Variants in GAS6 observed in about 807,000 individuals in gnomAD.
GAS6 encodes growth arrest specific 6.
GAS6 carries 41 observed loss-of-function variants against 75.8 expected under a neutral mutation model. The ratio of observed to expected loss-of-function variants is 0.54; its 90% CI spans 0.42 to 0.70. The LOEUF (loss-of-function observed/expected upper bound fraction) is 0.70, where lower values mean the gene tolerates loss of function less well. GAS6 is among the 30% of genes least tolerant of loss of function. The pLI is 0.00. For missense variants in GAS6, 854 were observed against 940.2 expected (o/e 0.91, Z 1.20); for synonymous variants, 432 against 412.6 (o/e 1.05, Z -0.57).
chr13:113,821,228 C>T (rs1230442663), intron 14 of GAS6: 11 of 592,618 alleles, frequency 1.9e-5, no homozygotes, highest in Admixed American at 1.5e-4. Context: ...GCTCTGCAGA[C>T]GCCAGCCCTC....
intron 3 of GAS6, chr13:113,847,077 T>C (rs765890920): frequency 8.2e-6 from 4 of 487,146 alleles, no homozygotes; most frequent in South Asian, 3.0e-5. Context: ...GCCTGGCACA[T>C]GCACATCCAG....
intron 2 of GAS6, among the ~76,000 whole-genome samples, chr13:113,858,429 G>C (rs1342135100): frequency 6.6e-6 from 1 of 152,194 alleles, no homozygotes; most frequent in African/African-American, 2.4e-5. Flanking sequence ...ATGTGAATGT[G>C]TGCATGTGTA....
At chr13:113,833,228 T>C in intron 8 of GAS6, 1 of 1,079,768 alleles carries the variant, frequency 9.3e-7, no homozygotes, top group Non-Finnish European at 1.1e-6. Flanking sequence ...GGGCTGGGGC[T>C]GAGCCAGGCC....
chr13:113,852,121 C>G (rs893600805), intron 2 of GAS6, among the ~76,000 whole-genome samples: 9 of 152,242 alleles, frequency 5.9e-5, no homozygotes, highest in African/African-American at 2.2e-4. Context: ...GTGAGTGGCC[C>G]AGGATGGCCA....
At chr13:113,822,773 C>T (rs111414564) in intron 13 of GAS6, 2 of 153,664 alleles carry the variant, frequency 1.3e-5, no homozygotes, top group African/African-American at 4.8e-5. Context: ...GTGAGCCTCT[C>T]TGGTTTGACC....
rs375030873 is a variant in GAS6 at position 113,826,612 on chromosome 13, C to T, written c.1477+384G>A. ...CAGGCACCTTCTCTCCCCGGCCTCCCGGCGCCGGCCTCGCAGGCACCTTCT... is the reference window on the plus strand; with the variant it reads ...CAGGCACCTTCTCTCCCCGGCCTCCTGGCGCCGGCCTCGCAGGCACCTTCT... On this transcript the variant is annotated intron_variant, in intron 12 of 14. Coordinates refer to ENST00000327773, the MANE Select transcript of GAS6 (RefSeq NM_000820.4). Among the ~76,000 whole-genome samples, 65 of 73,474 alleles carry T rather than the reference C, an allele frequency of 8.8e-4. 3 individuals are homozygous for T. The highest frequency in any genetic ancestry group is 2.6e-3 in the South Asian group (4 of 1,556). The allele number at this position is 73,474 out of a possible 152,430, so 48.2% of individuals were successfully genotyped here.
intron 8 of GAS6, chr13:113,833,305 G>GAGT: frequency 9.9e-7 from 1 of 1,013,264 alleles, no homozygotes; most frequent in Middle Eastern, 5.0e-4. Flanking sequence ...CCCTCTGCAT[G>GAGT]AGTACATGAG....
At chr13:113,828,769 A>G (rs1460496453) in intron 10 of GAS6, 58 bp from the exon 11 acceptor site, 2 of 1,560,514 alleles carry the variant, frequency 1.3e-6, no homozygotes, top group Non-Finnish European at 1.7e-6. Context: ...AGGGGCTCCC[A>G]ACTGAGAAAA....
At chr13:113,832,902 G>A (rs1467139930) in intron 8 of GAS6, 150 bp from the exon 9 acceptor site, 14 of 1,526,688 alleles carry the variant, frequency 9.2e-6, no homozygotes, top group African/African-American at 1.4e-5. Flanking sequence ...CCCAGAGGCT[G>A]TCACACCTGC....
At chr13:113,831,397 T>C (rs2051628508) in intron 10 of GAS6, among the ~76,000 whole-genome samples, 2 of 152,180 alleles carry the variant, frequency 1.3e-5, no homozygotes, top group Non-Finnish European at 2.9e-5. Context: ...GCGCCTGGCC[T>C]GGCCACGGCC....
intron 2 of GAS6, among the ~76,000 whole-genome samples, chr13:113,851,240 T>A (rs1025469745): frequency 2.6e-5 from 4 of 151,644 alleles, no homozygotes; most frequent in African/African-American, 9.7e-5. Flanking sequence ...GATGAATGAA[T>A]AAAACAATGA....
chr13:113,828,847 G>A, intron 10 of GAS6, 136 bp from the exon 11 acceptor site: 1 of 916,856 alleles, frequency 1.1e-6, no homozygotes, highest in Non-Finnish European at 1.6e-6. Flanking sequence ...CCTCACCTGG[G>A]CCAAGAGGGT....
At chr13:113,834,521 G>C (rs967815621) in intron 8 of GAS6, 30 bp downstream of exon 8, 13 of 1,500,390 alleles carry the variant, frequency 8.7e-6, no homozygotes, top group African/African-American at 1.4e-5. Flanking sequence ...GAACCACCGT[G>C]AAGGGCCCGC....
At chr13:113,843,644 G>C (rs2051809910) in intron 4 of GAS6, 1 of 151,206 alleles carries the variant, frequency 6.6e-6, no homozygotes, top group Non-Finnish European at 1.5e-5. Flanking sequence ...AATGGAAGCA[G>C]AGGCTCTTCA....
rs1284196727 is a variant in GAS6, at chr13:113,844,294, T to C, written c.343+2233A>G. 3.3e-5 allele frequency: 5 copies of C among 150,760 alleles called. 1 individual carries two copies. Among genetic ancestry groups the C allele is most frequent in the Admixed American group, 3.3e-4 (5 of 15,244 alleles). 9.3% of individuals were successfully genotyped at this position (150,760 alleles called of 1,614,324 possible). ...AGCTGGCCGCACTTGGGGACGCTGA[T>C]GCCACAAAGGAAATAACCAAAACAA... On this transcript the variant is annotated intron_variant, in intron 4 of 14. Coordinates refer to ENST00000327773, the MANE Select transcript of GAS6 (RefSeq NM_000820.4). The surrounding 1 kb of genome is among the most constrained non-coding windows in gnomAD (Gnocchi z 5.7).
chr13:113,832,506 A>G lies in GAS6; in HGVS notation c.954-18T>C. The G allele has an allele frequency of 6.3e-7, 1 of 1,594,312 alleles. No homozygotes were observed. Among genetic ancestry groups the G allele is most frequent in the Non-Finnish European group, 8.6e-7 (1 of 1,168,264 alleles). ...CTACCAGCCTGGGCACCCACAGGAG[A>G]AATGAGTCAGCACTGGGCACAGGCA... On this transcript the variant is annotated intron_variant, in intron 9 of 14. Transcript: ENST00000327773.
chr13:113,859,013 A>G (rs1245342396), intron 2 of GAS6, among the ~76,000 whole-genome samples: 1 of 148,722 alleles, frequency 6.7e-6, no homozygotes, highest in African/African-American at 2.5e-5. Context: ...CATGTCTGTT[A>G]GTATGTGTGC....
At chr13:113,847,471 G>A (rs2051843319) in intron 3 of GAS6, among the ~76,000 whole-genome samples, 1 of 152,256 alleles carries the variant, frequency 6.6e-6, no homozygotes, top group South Asian at 2.1e-4. Context: ...GGGTCTCTGG[G>A]TTTCACTTTC....
At position 113,826,739 on chromosome 13, in the gene GAS6, T is replaced by C. The variant is rs115113116; in HGVS notation, c.1477+257A>G. On this transcript the variant is annotated intron_variant, in intron 12 of 14. Transcript: ENST00000327773. ...CTCTCCCCGGCCTCCTGGCACTGGC[T>C]TCGCAGGCACCTTCTCGGCACATCT... is the stretch of plus-strand genomic sequence containing the variant. Among the ~76,000 whole-genome samples, 75 of 142,032 alleles carry C rather than the reference T, an allele frequency of 5.3e-4. 4 individuals carry two copies. Among genetic ancestry groups the C allele is most frequent in the Middle Eastern group, 3.5e-3 (1 of 282 alleles). 93.2% of individuals were successfully genotyped at this position (142,032 alleles called of 152,430 possible). A position where few individuals can be genotyped will look rare whatever the true frequency, so the allele number is the denominator to read the frequency against.
Sources: allele counts gnomAD v4.1 joint callset (sites outside exome capture counted in the v4.1 genomes callset), GRCh38; gene constraint gnomAD v4.1.1; non-coding constraint Gnocchi (gnomAD v3.1); transcripts MANE v1.5; gene names NCBI Gene and HGNC (gene_info 2026-07-23, HGNC 2026-07-21).